ZDHHC14: variants seen among roughly 807,000 people sequenced by gnomAD.
ZDHHC14 encodes palmitoyltransferase ZDHHC14.
Under a neutral mutation model 47.7 loss-of-function variants are expected in ZDHHC14, and 16 were observed. That is an observed-to-expected ratio of 0.34 (90% CI 0.23 to 0.51). The LOEUF (loss-of-function observed/expected upper bound fraction) is 0.51, where lower values mean the gene tolerates loss of function less well. Ranked by LOEUF, ZDHHC14 falls within the 20% of genes least tolerant of loss-of-function variation. The probability of loss-of-function intolerance (pLI) is 0.97; values close to 1 mark genes in which losing one functional copy is unlikely to be tolerated. For missense variants in ZDHHC14, 515 were observed against 662.5 expected (o/e 0.78, Z 2.44); for synonymous variants, 293 against 278.9 (o/e 1.05, Z -0.50).
At chr6:157,567,452 T>G (rs1227658707) in intron 2 of ZDHHC14, among the ~76,000 whole-genome samples, 1 of 152,208 alleles carries the variant, frequency 6.6e-6, no homozygotes, top group Non-Finnish European at 1.5e-5. Flanking sequence ...CATCTGGGCA[T>G]GCTCAGGTTA....
rs1041879518 is a variant in ZDHHC14, at chr6:157,491,919, A to G, written c.246-50666A>G. Among the ~76,000 whole-genome samples, 7 of 152,142 alleles carry G rather than the reference A, an allele frequency of 4.6e-5. 1 individual carries two copies. In the South Asian group the frequency reaches 1.5e-3, roughly 32 times the overall value. ...GATTGTCGAATTACGTCTTGTGCGG[A>G]TTTGCCATTTTCAGAAGCGCACAGA... On this transcript the variant is annotated intron_variant, in intron 1 of 8. Transcript: ENST00000359775.
rs148524793 is a variant in ZDHHC14 at position 157,654,789 on chromosome 6, G to A, written c.1068+1162G>A. On this transcript the variant is annotated intron_variant, in intron 8 of 8. Coordinates refer to ENST00000359775, the MANE Select transcript of ZDHHC14 (RefSeq NM_024630.3). Reference sequence around the variant, plus strand: ...CTTGCTCTGTCGCCCAGGCTGGAGTGCAGTGGCATGATGTCAGCTCACTGC... The same window carrying A: ...CTTGCTCTGTCGCCCAGGCTGGAGTACAGTGGCATGATGTCAGCTCACTGC... Among the ~76,000 whole-genome samples the A allele has an allele frequency of 3.4e-3, 507 of 151,276 alleles. 8 individuals are homozygous for A. The highest frequency in any genetic ancestry group is 0.012 in the African/African-American group (482 of 41,090).
At chr6:157,604,264 G>A (rs1028841099) in intron 3 of ZDHHC14, among the ~76,000 whole-genome samples, 4 of 148,974 alleles carry the variant, frequency 2.7e-5, no homozygotes, top group African/African-American at 1.0e-4. Context: ...TCCAGCCTGG[G>A]TGATGGAGTG....
intron 2 of ZDHHC14, among the ~76,000 whole-genome samples, chr6:157,554,995 G>A (rs1054374474): frequency 1.3e-5 from 2 of 152,194 alleles, no homozygotes; most frequent in Non-Finnish European, 2.9e-5. Context: ...GGGAGCTATG[G>A]TCTTCTCTCT....
chr6:157,381,520 C>T lies in ZDHHC14; in HGVS notation c.-502C>T. 3 of 405,286 alleles carry T rather than the reference C, an allele frequency of 7.4e-6. No individual in the cohort carries two copies. The highest frequency in any genetic ancestry group is 9.8e-6 in the Non-Finnish European group (2 of 203,196). 25.1% of individuals were successfully genotyped at this position (405,286 alleles called of 1,614,324 possible). Reference sequence around the variant, plus strand: ...GCTCTCTCCTGGGAGGATCCGCTGCCGGAGGAAGGAGTGGACCCAACCTGG... The same window carrying T: ...GCTCTCTCCTGGGAGGATCCGCTGCTGGAGGAAGGAGTGGACCCAACCTGG... On this transcript the variant is annotated 5_prime_UTR_variant, in exon 1 of 9. Transcript: ENST00000359775.
chr6:157,478,182 A>G (rs1779536759), intron 1 of ZDHHC14, among the ~76,000 whole-genome samples: 4 of 151,348 alleles, frequency 2.6e-5, no homozygotes, highest in Admixed American at 6.6e-5. Context: ...AGGAATGTTC[A>G]ATACATTAAG....
Position 157,400,373 on chromosome 6 carries a change from G to T in ZDHHC14, c.245+18107G>T, listed in dbSNP as rs142405815. ...GGTTGATGACTGGATAGCCCCTGCT[G>T]CACCCTGTACCTCCAAACAGTGCCC... On this transcript the variant is annotated intron_variant, in intron 1 of 8. Coordinates refer to ENST00000359775, the MANE Select transcript of ZDHHC14 (RefSeq NM_024630.3). Among the ~76,000 whole-genome samples, 212 of 152,278 alleles carry T rather than the reference G, an allele frequency of 1.4e-3. 3 individuals carry two copies. In the East Asian group the frequency reaches 0.037, roughly 27 times the overall value.
intron 3 of ZDHHC14, among the ~76,000 whole-genome samples, chr6:157,597,783 G>A (rs141257827): frequency 7.9e-5 from 12 of 152,340 alleles, no homozygotes; most frequent in East Asian, 1.9e-4. Context: ...GGGGGGCACC[G>A]AGCAGACCAG....
At chr6:157,508,653 A>G (rs1270435526) in intron 1 of ZDHHC14, among the ~76,000 whole-genome samples, 2 of 152,076 alleles carry the variant, frequency 1.3e-5, no homozygotes, top group Non-Finnish European at 1.5e-5. Flanking sequence ...GCTGGGATTA[A>G]AGGTGTGAGC....
chr6:157,653,297 G>A (rs1012035059), intron 7 of ZDHHC14, among the ~76,000 whole-genome samples: 5 of 152,168 alleles, frequency 3.3e-5, no homozygotes, highest in Admixed American at 2.6e-4. Context: ...CAGGCGACAC[G>A]CCCTTGGCCT....
intron 1 of ZDHHC14, among the ~76,000 whole-genome samples, chr6:157,519,035 T>G (rs892262033): frequency 1.3e-5 from 2 of 152,188 alleles, no homozygotes; most frequent in Non-Finnish European, 2.9e-5. Flanking sequence ...TTTTCCCTGT[T>G]GTCAACACAG....
At chr6:157,538,305 T>G (rs1781615902) in intron 1 of ZDHHC14, among the ~76,000 whole-genome samples, 1 of 152,212 alleles carries the variant, frequency 6.6e-6, no homozygotes. Context: ...AGGAATATCC[T>G]GTCCTCTCAG....
At chr6:157,649,768 G>T (rs1035928115) in intron 7 of ZDHHC14, among the ~76,000 whole-genome samples, 2 of 152,238 alleles carry the variant, frequency 1.3e-5, no homozygotes, top group African/African-American at 4.8e-5. Context: ...AGCTGGCTGG[G>T]TATGGCCAGG....
At chr6:157,593,597 G>T (rs140818827) in intron 3 of ZDHHC14, among the ~76,000 whole-genome samples, 1 of 152,214 alleles carries the variant, frequency 6.6e-6, no homozygotes, top group African/African-American at 2.4e-5. Context: ...TCCTCCAGGG[G>T]CTGGAGTTAG....
chr6:157,544,108 C>A (rs1276736900), intron 2 of ZDHHC14, among the ~76,000 whole-genome samples: 1 of 152,182 alleles, frequency 6.6e-6, no homozygotes, highest in Non-Finnish European at 1.5e-5. Flanking sequence ...AGATTTCAGA[C>A]CTTGTTCTTT....
chr6:157,480,004 G>A (rs1779584430), intron 1 of ZDHHC14, among the ~76,000 whole-genome samples: 1 of 152,192 alleles, frequency 6.6e-6, no homozygotes. Flanking sequence ...GGGGAGCTTG[G>A]TTTGCAGGCA....
intron 1 of ZDHHC14, among the ~76,000 whole-genome samples, chr6:157,462,852 C>T (rs1344027254): frequency 6.6e-6 from 1 of 152,258 alleles, no homozygotes; most frequent in Non-Finnish European, 1.5e-5. Flanking sequence ...TCTGCAGACT[C>T]AGCTGAAGTT....
At position 157,504,613 on chromosome 6, in the gene ZDHHC14, G is replaced by A. The variant is rs148864705; in HGVS notation, c.246-37972G>A. 5.2e-4 allele frequency among the ~76,000 whole-genome samples: 78 copies of A among 150,868 alleles called. 1 individual carries two copies. The East Asian group carries it at 0.014, about 26-fold the overall frequency. On this transcript the variant is annotated intron_variant, in intron 1 of 8. Transcript: ENST00000359775. ...TTTAGTAGAGATGGGGTTTCACCACGTTGGCCAAGCTGGTCTTGAACTCCT... is the reference window on the plus strand; with the variant it reads ...TTTAGTAGAGATGGGGTTTCACCACATTGGCCAAGCTGGTCTTGAACTCCT...
intron 1 of ZDHHC14, among the ~76,000 whole-genome samples, chr6:157,521,800 C>T (rs1484727594): frequency 2.0e-5 from 3 of 152,164 alleles, no homozygotes; most frequent in Non-Finnish European, 4.4e-5. Flanking sequence ...GGAAGGTGCT[C>T]ATTGTGAAAT....
Sources: allele counts gnomAD v4.1 joint callset (sites outside exome capture counted in the v4.1 genomes callset), GRCh38; gene constraint gnomAD v4.1.1; transcripts MANE v1.5; gene names NCBI Gene and HGNC (gene_info 2026-07-23, HGNC 2026-07-21).